The following NEB variants were observed in gnomAD, a reference collection of about 807,000 sequenced individuals.
NEB encodes nemaline myopathy type 2.
A neutral mutation model predicts 952.2 loss-of-function variants in NEB; 512 were observed. The observed-to-expected ratio is 0.54, with a 90% CI of 0.50 to 0.58. The LOEUF (loss-of-function observed/expected upper bound fraction) is 0.58. Among genes scored for constraint, NEB ranks in the 20% least tolerant of loss-of-function variants. The pLI, the probability that NEB is intolerant of heterozygous loss-of-function variation, is 0.00. For synonymous variants in NEB, 2,900 were observed against 3,149.8 expected, an observed-to-expected ratio of 0.92 and a Z score of 2.66; for missense variants, 8,428 against 9,231.1, an observed-to-expected ratio of 0.91 and a Z score of 3.56.
chr2:151,504,615 T>G (rs2067308234), intron 165 of NEB, among the ~76,000 whole-genome samples: 1 of 152,208 alleles, frequency 6.6e-6, no homozygotes, highest in Admixed American at 6.5e-5. Flanking sequence ...AGTTCAGTCC[T>G]CCATTGACCA....
chr2:151,547,735 G>T lies in NEB; in HGVS notation c.20161C>A (p.Leu6721Met). 6.2e-7 allele frequency: 1 copy of T among 1,611,268 alleles called. No individual in the cohort carries two copies. The highest frequency in any genetic ancestry group is 2.2e-5 in the East Asian group (1 of 44,750). The change falls in exon 132 of 182, where the codon CTG becomes ATG. Residue 6721 changes from leucine (L) to methionine (M), a missense_variant. Physicochemically the swap from Leu to Met is conservative, Grantham distance 15. This residue lies in a region of NEB where 3,374 missense variants were observed against 3,651.5 expected (regional missense o/e 0.92). Transcript: ENST00000397345. ...RRVNNVTSER[L>M]YRELYHKLKD... ...AGTTTGTGGTACAATTCCCGATACA[G>T]TCTCTACGTTGGAGGAAATATCATT...
At chr2:151,691,766 A>AT (rs1183025892) in intron 23 of NEB, 98 bp downstream of exon 23, 1 of 920,292 alleles carries the variant, frequency 1.1e-6, no homozygotes, top group African/African-American at 1.7e-5. Flanking sequence ...ATCTCCTTCT[A>AT]ATCACTAGAT....
chr2:151,706,687 A>G (rs1451262798), intron 13 of NEB, among the ~76,000 whole-genome samples, 194 bp downstream of exon 13: 1 of 152,202 alleles, frequency 6.6e-6, no homozygotes, highest in Non-Finnish European at 1.5e-5. Flanking sequence ...TTAACCCCAC[A>G]GAACCACAAA....
Position 151,642,634 on chromosome 2 carries a change from G to C in NEB, c.8313C>G (p.Asp2771Glu). ...TGATAGGAATGGCATCTACCCGCAT[G>C]TCATAACCTTTCCTCTTGGCTTCTT... ...GLEEAKRKGY[D>E]MRVDAIPIKA... The change falls in exon 60 of 182, where the codon GAC becomes GAG. Residue 2771 changes from aspartate (D) to glutamate (E), a missense_variant. Transcript: ENST00000397345. The C allele has an allele frequency of 4.3e-6, 7 of 1,613,936 alleles. No individual in the cohort carries two copies. Among genetic ancestry groups the C allele is most frequent in the Non-Finnish European group, 5.9e-6 (7 of 1,179,862 alleles).
intron 181 of NEB, 137 bp downstream of exon 181, chr2:151,489,834 T>C (rs186335817): frequency 7.5e-6 from 4 of 536,440 alleles, no homozygotes; most frequent in African/African-American, 3.9e-5. Context: ...ATCATTAATA[T>C]GAAACATGTA....
At chr2:151,679,857 C>T (rs373225058) in intron 31 of NEB, 29 bp from the exon 32 acceptor site, 33 of 1,609,822 alleles carry the variant, frequency 2.0e-5, no homozygotes, top group Non-Finnish European at 2.6e-5. Flanking sequence ...TTAAGTACAA[C>T]TTAGAGACTG....
intron 23 of NEB, among the ~76,000 whole-genome samples, chr2:151,691,138 C>T (rs938258402): frequency 7.2e-5 from 11 of 152,132 alleles, no homozygotes; most frequent in African/African-American, 2.7e-4. Flanking sequence ...CTTATGATCC[C>T]TACAGAATCC....
chr2:151,668,939 G>T, intron 39 of NEB, 88 bp downstream of exon 39: 2 of 953,954 alleles, frequency 2.1e-6, no homozygotes, highest in Non-Finnish European at 3.2e-6. Flanking sequence ...ACTGAATTGC[G>T]CCCCCTACAA....
At chr2:151,636,525 A>G (rs1195432328) in intron 63 of NEB, among the ~76,000 whole-genome samples, 191 bp from the exon 64 acceptor site, 1 of 152,198 alleles carries the variant, frequency 6.6e-6, no homozygotes, top group Non-Finnish European at 1.5e-5. Flanking sequence ...CACACCTGTA[A>G]TCCCAGCACT....
At chr2:151,648,589 A>T (rs1054888130) in intron 54 of NEB, among the ~76,000 whole-genome samples, 4 of 152,054 alleles carry the variant, frequency 2.6e-5, no homozygotes, top group Non-Finnish European at 5.9e-5. Context: ...CCTGCTAACC[A>T]CTGATATTGT....
intron 13 of NEB, among the ~76,000 whole-genome samples, chr2:151,698,867 T>C (rs1005559903): frequency 6.9e-6 from 1 of 145,638 alleles, no homozygotes; most frequent in Admixed American, 6.8e-5. Context: ...CTCCATCTCT[T>C]TTTTTTTTTT....
intron 158 of NEB, among the ~76,000 whole-genome samples, 169 bp from the exon 159 acceptor site, chr2:151,514,597 A>C (rs2076598970): frequency 6.6e-6 from 1 of 152,260 alleles, no homozygotes; most frequent in Non-Finnish European, 1.5e-5. Flanking sequence ...TTAAATATCA[A>C]ATGAAAGCTT....
intron 32 of NEB, among the ~76,000 whole-genome samples, chr2:151,678,588 G>T (rs2099391060): frequency 6.6e-6 from 1 of 152,198 alleles, no homozygotes; most frequent in Admixed American, 6.5e-5. Flanking sequence ...ATTAGTTTTA[G>T]AATTTTTAGT....
intron 175 of NEB, 85 bp from the exon 176 acceptor site, chr2:151,493,530 G>A (rs1301475375): frequency 6.8e-6 from 6 of 878,088 alleles, no homozygotes; most frequent in Non-Finnish European, 1.0e-5. Context: ...TATGGCTCAT[G>A]TTATGGCTCA....
chr2:151,543,603 G>T (rs1292037815), intron 135 of NEB, among the ~76,000 whole-genome samples: 1 of 152,046 alleles, frequency 6.6e-6, no homozygotes, highest in Non-Finnish European at 1.5e-5. Flanking sequence ...GTAAATCTGG[G>T]ACTAAAACCC....
Position 151,489,890 on chromosome 2 carries a change from G to A in NEB, c.25404+81C>T, listed in dbSNP as rs190063063. ...ATAGAAGGTTTGGTTAAAAAAAACC[G>A]TAATACCTAATACTTATAATCATGT... On this transcript the variant is annotated intron_variant, in intron 181 of 181. Transcript: ENST00000397345. 1.6e-4 allele frequency: 176 copies of A among 1,067,046 alleles called. 1 individual carries two copies. The East Asian group carries it at 2.0e-3, about 12-fold the overall frequency. The allele number at this position is 1,067,046 out of a possible 1,614,324, so 66.1% of individuals were successfully genotyped here. A position where few individuals can be genotyped will look rare whatever the true frequency, so the allele number is the denominator to read the frequency against.
rs1295862233 is a variant in NEB, at chr2:151,570,302, T to C, written c.17209A>G (p.Ile5737Val). 1.2e-6 allele frequency: 2 copies of C among 1,612,738 alleles called. No individual in the cohort carries two copies. The highest frequency in any genetic ancestry group is 1.1e-5 in the South Asian group (1 of 91,024). The stretch of plus-strand genomic sequence containing the variant: ...CGTTCATTCTGGAGCTTGTCAGCTA[T>C]GAGGGCCCAGCGGATCTTGTTGTCA... ...RDDNKIRWAL[I>V]ADKLQNEREY... The change falls in exon 109 of 182, where the codon ATA becomes GTA. Residue 5737 changes from isoleucine (I) to valine (V), a missense_variant. This residue lies in a region of NEB where 3,374 missense variants were observed against 3,651.5 expected (regional missense o/e 0.92). Transcript: ENST00000397345.
At chr2:151,609,739 AG>A in intron 81 of NEB, 69 bp downstream of exon 81, 1 of 1,446,610 alleles carries the variant, frequency 6.9e-7, no homozygotes, top group Middle Eastern at 2.0e-4. Context: ...CTGTCCTCAG[AG>A]GCACTGACTG....
At chr2:151,696,784 C>A in intron 16 of NEB, 49 bp from the exon 17 acceptor site, 1 of 1,414,532 alleles carries the variant, frequency 7.1e-7, no homozygotes, top group Non-Finnish European at 1.0e-6. Context: ...CTGTCAGATC[C>A]AAGGTGGCCC....
Sources: gnomAD v4.1 joint callset for allele counts (sites outside exome capture counted in the v4.1 genomes callset) on GRCh38, gnomAD v4.1.1 for gene constraint, gnomAD v4.1.1 regional missense constraint, MANE v1.5 for transcripts, NCBI Gene and HGNC (gene_info 2026-07-23, HGNC 2026-07-21) for gene names.